CDH6: variants seen among roughly 807,000 people sequenced by gnomAD.
CDH6 encodes the protein cadherin 6, also known as cadherin-6.
Under a neutral mutation model 78.0 loss-of-function variants are expected in CDH6, and 31 were observed. The ratio of observed to expected loss-of-function variants is 0.40; its 90% CI spans 0.30 to 0.54. The LOEUF is 0.54. Ranked by LOEUF, CDH6 falls within the 20% of genes least tolerant of loss-of-function variation. CDH6 has a pLI of 0.56. For missense variants in CDH6, 724 were observed against 975.9 expected (o/e 0.74, Z 3.44); for synonymous variants, 376 against 368.8 (o/e 1.02, Z -0.23).
chr5:31,227,798 G>A (rs1411863680), intron 1 of CDH6, among the ~76,000 whole-genome samples: 1 of 152,234 alleles, frequency 6.6e-6, no homozygotes, highest in Non-Finnish European at 1.5e-5. Flanking sequence ...CTGAGGGAAC[G>A]GACCCCTACC....
chr5:31,248,667 C>T (rs1741824218), intron 1 of CDH6, among the ~76,000 whole-genome samples: 1 of 152,026 alleles, frequency 6.6e-6, no homozygotes, highest in African/African-American at 2.4e-5. Context: ...TTGAACTCAA[C>T]CATCATAAAG....
At chr5:31,305,880 G>A (rs1737978691) in intron 7 of CDH6, among the ~76,000 whole-genome samples, 1 of 151,814 alleles carries the variant, frequency 6.6e-6, no homozygotes, top group African/African-American at 2.4e-5. Context: ...TTTATTTCCA[G>A]TTGGTTGAAT....
chr5:31,279,535 A>G (rs148598890), intron 2 of CDH6, among the ~76,000 whole-genome samples: 1 of 152,124 alleles, frequency 6.6e-6, no homozygotes, highest in South Asian at 2.1e-4. Context: ...ATGCCACTGC[A>G]CTCTAGCCTG....
rs190056280 is a variant in CDH6 at position 31,226,332 on chromosome 5, G to A, written c.-129+32446G>A. 3.0e-3 allele frequency among the ~76,000 whole-genome samples: 459 copies of A among 152,026 alleles called. 4 individuals are homozygous for A. The highest frequency in any genetic ancestry group is 0.01 in the African/African-American group (434 of 41,462). On this transcript the variant is annotated intron_variant, in intron 1 of 11. Coordinates refer to ENST00000265071, the MANE Select transcript of CDH6 (RefSeq NM_004932.4). Reference sequence around the variant, plus strand: ...TGGGATTACAGGCGCCCACCACCACGCCCAGCTAATTTTTGTATTTTTAAT... The same window carrying A: ...TGGGATTACAGGCGCCCACCACCACACCCAGCTAATTTTTGTATTTTTAAT...
At chr5:31,227,396 A>T (rs1275601116) in intron 1 of CDH6, among the ~76,000 whole-genome samples, 1 of 152,214 alleles carries the variant, frequency 6.6e-6, no homozygotes, top group Non-Finnish European at 1.5e-5. Context: ...CATATACTGT[A>T]TACAAGTATA....
chr5:31,198,489 A>G (rs555962074), intron 1 of CDH6, among the ~76,000 whole-genome samples: 1 of 152,318 alleles, frequency 6.6e-6, no homozygotes, highest in African/African-American at 2.4e-5. Context: ...TAAAGCTAGC[A>G]TACCACAGGG....
Position 31,326,577 on chromosome 5 carries a change from T to C in CDH6, c.*3269T>C, listed in dbSNP as rs1478194553. Reference sequence around the variant, plus strand: ...TGTTCAGCAATGAAATTACTCCCTTTTCAGATGGAACAAAACCTGCCCATT... The same window carrying C: ...TGTTCAGCAATGAAATTACTCCCTTCTCAGATGGAACAAAACCTGCCCATT... On this transcript the variant is annotated 3_prime_UTR_variant, in exon 12 of 12. Transcript: ENST00000265071. 1.0e-5 allele frequency: 2 copies of C among 190,546 alleles called. No individual in the cohort carries two copies. The highest frequency in any genetic ancestry group is 1.9e-4 in the South Asian group (1 of 5,168). The allele number at this position is 190,546 out of a possible 1,614,324, so 11.8% of individuals were successfully genotyped here. A position where few individuals can be genotyped will look rare whatever the true frequency, so the allele number is the denominator to read the frequency against.
Position 31,325,361 on chromosome 5 carries a change from C to A in CDH6, c.*2053C>A. 4.4e-6 allele frequency: 1 copy of A among 229,532 alleles called. No homozygotes were observed. The highest frequency in any genetic ancestry group is 8.6e-6 in the Non-Finnish European group (1 of 116,258). The allele number at this position is 229,532 out of a possible 1,614,324, so 14.2% of individuals were successfully genotyped here. ...ACACACACACACACACACACGAATGCAAACAAAAGGCTATATGAGGTCTTC... is the reference window on the plus strand; with the variant it reads ...ACACACACACACACACACACGAATGAAAACAAAAGGCTATATGAGGTCTTC... On this transcript the variant is annotated 3_prime_UTR_variant, in exon 12 of 12. Coordinates refer to ENST00000265071, the MANE Select transcript of CDH6 (RefSeq NM_004932.4).
intron 7 of CDH6, among the ~76,000 whole-genome samples, chr5:31,306,370 T>C (rs1018839292): frequency 6.6e-6 from 1 of 152,214 alleles, no homozygotes. Flanking sequence ...AGTAAGGCCT[T>C]ATTGCTCTTT....
chr5:31,290,541 T>G (rs1743127157), intron 2 of CDH6, among the ~76,000 whole-genome samples: 1 of 152,196 alleles, frequency 6.6e-6, no homozygotes. Flanking sequence ...TTCTGTCTTT[T>G]ACAGTGGCCA....
At position 31,317,504 on chromosome 5, in the gene CDH6, C is replaced by T; in HGVS notation, c.1630+12C>T. 1 of 1,561,186 alleles carries T rather than the reference C, an allele frequency of 6.4e-7. No homozygotes were observed. Among genetic ancestry groups the T allele is most frequent in the Non-Finnish European group, 8.8e-7 (1 of 1,134,080 alleles). ...TCAAGACAACAAAGGTAAATGAGTT[C>T]AAGTTACCTTCTCTATCTATCTCCA... On this transcript the variant is annotated intron_variant, in intron 10 of 11. Transcript: ENST00000265071.
rs139526509 is a variant in CDH6, at chr5:31,287,887, C to G, written c.229-6075C>G. 3.2e-3 allele frequency among the ~76,000 whole-genome samples: 480 copies of G among 152,350 alleles called. 3 individuals carry two copies. Among genetic ancestry groups the G allele is most frequent in the African/African-American group, 0.011 (445 of 41,574 alleles). On this transcript the variant is annotated intron_variant, in intron 2 of 11. Transcript: ENST00000265071. ...CCGACTTAGGGTCAACGCAGAACTACAATAACAACAACAAAACTTCAAAAA... is the reference window on the plus strand; with the variant it reads ...CCGACTTAGGGTCAACGCAGAACTAGAATAACAACAACAAAACTTCAAAAA...
intron 2 of CDH6, among the ~76,000 whole-genome samples, chr5:31,269,169 A>T (rs1742448170): frequency 6.6e-6 from 1 of 152,092 alleles, no homozygotes; most frequent in Non-Finnish European, 1.5e-5. Flanking sequence ...ATTAAGTTTT[A>T]AAAAGTGCTT....
intron 1 of CDH6, among the ~76,000 whole-genome samples, chr5:31,263,529 C>G (rs1290513965): frequency 6.6e-6 from 1 of 150,938 alleles, no homozygotes; most frequent in African/African-American, 2.4e-5. Flanking sequence ...GCGATCCACC[C>G]ACCTCGGCCT....
chr5:31,235,054 C>T (rs1741414320), intron 1 of CDH6, among the ~76,000 whole-genome samples: 2 of 152,128 alleles, frequency 1.3e-5, no homozygotes, highest in South Asian at 2.1e-4. Context: ...GATGGTTCAA[C>T]CTATTTTAGA....
At chr5:31,282,401 C>G (rs1343977300) in intron 2 of CDH6, among the ~76,000 whole-genome samples, 1 of 152,068 alleles carries the variant, frequency 6.6e-6, no homozygotes, top group South Asian at 2.1e-4. Flanking sequence ...CTCTCTCTTT[C>G]TCTCTTCCTC....
chr5:31,197,740 C>T (rs1260667914), intron 1 of CDH6, among the ~76,000 whole-genome samples: 3 of 152,058 alleles, frequency 2.0e-5, no homozygotes, highest in Admixed American at 1.3e-4. Context: ...GGCTGATTTT[C>T]TTTTCTTCTT....
At chr5:31,296,021 A>G (rs1009218866) in intron 3 of CDH6, among the ~76,000 whole-genome samples, 5 of 152,198 alleles carry the variant, frequency 3.3e-5, no homozygotes, top group African/African-American at 9.6e-5. Context: ...TCCCTTGCCA[A>G]ATTACAACGG....
chr5:31,267,635 C>T lies in CDH6; in HGVS notation c.162C>T (p.Ser54=). 1 of 1,614,142 alleles carries T rather than the reference C, an allele frequency of 6.2e-7. No individual in the cohort carries two copies. The highest frequency in any genetic ancestry group is 8.5e-7 in the Non-Finnish European group (1 of 1,180,022). ...SKNELNRSKR[S]WMWNQFFLLE... ...ATGAGCTGAACCGTTCAAAAAGGAG[C>T]TGGATGTGGAATCAGTTCTTTCTCC... is the stretch of plus-strand genomic sequence containing the variant. The change falls in exon 2 of 12, where the codon AGC becomes AGT. Residue 54 remains serine (S), a synonymous_variant. Coordinates refer to ENST00000265071, the MANE Select transcript of CDH6 (RefSeq NM_004932.4).
Sources: gnomAD v4.1 joint callset for allele counts (sites outside exome capture counted in the v4.1 genomes callset) on GRCh38, gnomAD v4.1.1 for gene constraint, MANE v1.5 for transcripts, NCBI Gene and HGNC (gene_info 2026-07-23, HGNC 2026-07-21) for gene names.